Variants in TSPAN8 observed in about 807,000 individuals in gnomAD.
The protein encoded by TSPAN8 is tetraspanin-8.
Under a neutral mutation model 32.8 loss-of-function variants are expected in TSPAN8, and 21 were observed. The ratio of observed to expected loss-of-function variants is 0.64; its 90% CI spans 0.45 to 0.92. TSPAN8 has a LOEUF of 0.92. Among genes scored for constraint, TSPAN8 ranks in the 40% least tolerant of loss-of-function variants. The pLI, the probability that TSPAN8 is intolerant of heterozygous loss-of-function variation, is 0.00. For missense variants in TSPAN8, 269 were observed against 281.9 expected (o/e 0.95, Z 0.33); for synonymous variants, 95 against 94.6 (o/e 1.00, Z -0.03).
chr12:71,152,770 A>G (rs1330875732), intron 2 of TSPAN8, among the ~76,000 whole-genome samples: 1 of 152,180 alleles, frequency 6.6e-6, no homozygotes, highest in African/African-American at 2.4e-5. Context: ...GAAAGATTCC[A>G]TCAACGGACA....
chr12:71,140,582 AG>A (rs1285146347), intron 3 of TSPAN8, among the ~76,000 whole-genome samples: 1 of 152,122 alleles, frequency 6.6e-6, no homozygotes, highest in African/African-American at 2.4e-5. Context: ...TTTGACTGTT[AG>A]TTAATGAGAT....
At chr12:71,148,596 G>A (rs1267145231) in intron 2 of TSPAN8, among the ~76,000 whole-genome samples, 2 of 152,086 alleles carry the variant, frequency 1.3e-5, no homozygotes, top group Non-Finnish European at 2.9e-5. Flanking sequence ...TATTATTTGT[G>A]TTCCATTTAT....
intron 2 of TSPAN8, among the ~76,000 whole-genome samples, chr12:71,145,349 G>A (rs1200757349): frequency 2.6e-4 from 39 of 152,014 alleles, no homozygotes; most frequent in Non-Finnish European, 4.4e-5. Flanking sequence ...GGAATCCTGG[G>A]CGCTAATTAT....
chr12:71,147,294 A>G (rs982811771), intron 2 of TSPAN8, among the ~76,000 whole-genome samples: 2 of 152,200 alleles, frequency 1.3e-5, no homozygotes, highest in Admixed American at 6.5e-5. Context: ...TGTGTCTCCA[A>G]TCATCCCTAC....
In TSPAN8 at chr12:71,132,788, A is replaced by G. The variant is rs1279142477; in HGVS notation, c.481T>C (p.Trp161Arg). 6.2e-7 allele frequency: 1 copy of G among 1,613,878 alleles called. No individual in the cohort carries two copies. The highest frequency in any genetic ancestry group is 1.3e-5 in the African/African-American group (1 of 74,920). The change falls in exon 7 of 9, where the codon TGG becomes CGG. Residue 161 changes from tryptophan (W) to arginine (R), a missense_variant. By Grantham distance (101) the Trp-to-Arg change is moderately radical (BLOSUM62 -3). Transcript: ENST00000247829. ...CCGLVNGAAD[W>R]GNNFQHYPEL... is the part of the protein sequence containing the mutation. ...GGATAGTGTTGAAAATTATTTCCCC[A>G]ATCAGCAGCTCCATTGACCAAACCG... is the stretch of plus-strand genomic sequence containing the variant.
In TSPAN8 at chr12:71,129,696, A is replaced by G. The variant is rs1871458464; in HGVS notation, c.577-282T>C. On this transcript the variant is annotated intron_variant, in intron 7 of 8. Transcript: ENST00000247829. ...TAATAATTACAAATAATAATTTTTC[A>G]CCAACATATCCTCAAATGACAGATT... Among the ~76,000 whole-genome samples the G allele has an allele frequency of 3.3e-5, 5 of 152,152 alleles. No individual in the cohort carries two copies. The South Asian group carries it at 1.0e-3, about 31-fold the overall frequency.
intron 3 of TSPAN8, among the ~76,000 whole-genome samples, chr12:71,140,186 T>C (rs757360294): frequency 1.2e-4 from 19 of 152,328 alleles, no homozygotes; most frequent in Non-Finnish European, 2.8e-4. Flanking sequence ...AAGTGCATTA[T>C]AAAAGCATGT....
intron 2 of TSPAN8, among the ~76,000 whole-genome samples, chr12:71,156,250 C>CAAAAAAAAAAAAAAAAA (rs763217771): frequency 1.0e-3 from 25 of 24,342 alleles, no homozygotes; most frequent in African/African-American, 3.0e-3. Context: ...CAAAGTTCTC[C>CAAAAAAAAAAAAAAAAA]AAAAAAAAAA....
intron 7 of TSPAN8, among the ~76,000 whole-genome samples, chr12:71,131,842 C>T (rs1446352838): frequency 6.6e-6 from 1 of 151,822 alleles, no homozygotes; most frequent in Admixed American, 6.6e-5. Context: ...GGTCCCATAA[C>T]ACCTTGCACC....
chr12:71,142,956 C>T (rs1247180399), intron 3 of TSPAN8, among the ~76,000 whole-genome samples: 1 of 151,970 alleles, frequency 6.6e-6, no homozygotes, highest in Non-Finnish European at 1.5e-5. Flanking sequence ...TTCCTTTCCA[C>T]TAGGCTGTGT....
At chr12:71,149,874 T>A (rs1215269242) in intron 2 of TSPAN8, among the ~76,000 whole-genome samples, 6 of 152,076 alleles carry the variant, frequency 3.9e-5, no homozygotes, top group African/African-American at 1.5e-4. Context: ...AACCATAAGG[T>A]CTGACTGCCT....
chr12:71,155,306 A>G (rs1035149193), intron 2 of TSPAN8, among the ~76,000 whole-genome samples: 8 of 152,196 alleles, frequency 5.3e-5, no homozygotes, highest in Non-Finnish European at 1.0e-4. Context: ...AAAGAGGGAC[A>G]CAATCAAACC....
intron 2 of TSPAN8, among the ~76,000 whole-genome samples, chr12:71,149,440 T>C (rs1015225652): frequency 3.3e-5 from 5 of 151,980 alleles, no homozygotes; most frequent in Non-Finnish European, 7.4e-5. Flanking sequence ...TCTGATCTAC[T>C]AAGCCTCATG....
intron 3 of TSPAN8, among the ~76,000 whole-genome samples, chr12:71,143,030 C>T (rs1297336770): frequency 2.0e-5 from 3 of 152,124 alleles, no homozygotes; most frequent in Non-Finnish European, 4.4e-5. Context: ...GTCTTAATTG[C>T]TGGCTTAATA....
At chr12:71,140,416 A>C (rs1386709532) in intron 3 of TSPAN8, among the ~76,000 whole-genome samples, 1 of 152,240 alleles carries the variant, frequency 6.6e-6, no homozygotes, top group African/African-American at 2.4e-5. Flanking sequence ...AAGGGAAAGC[A>C]AGAGTTAACT....
intron 6 of TSPAN8, 72 bp from the exon 7 acceptor site, chr12:71,132,896 A>G: frequency 6.6e-7 from 1 of 1,521,920 alleles, no homozygotes; most frequent in South Asian, 1.2e-5. Flanking sequence ...ATTAAATTAT[A>G]ATCTTCTGAA....
At chr12:71,132,926 A>T in intron 6 of TSPAN8, 102 bp from the exon 7 acceptor site, 2 of 1,353,368 alleles carry the variant, frequency 1.5e-6, no homozygotes, top group Non-Finnish European at 2.0e-6. Context: ...AAAGGTTATT[A>T]TGCTAAAATA....
chr12:71,145,138 G>A (rs1000591764), intron 2 of TSPAN8, among the ~76,000 whole-genome samples: 1 of 152,010 alleles, frequency 6.6e-6, no homozygotes, highest in Non-Finnish European at 1.5e-5. Context: ...CATTGCTTTC[G>A]TGCATGGTTG....
At chr12:71,133,430 T>C (rs3851617) in intron 6 of TSPAN8, among the ~76,000 whole-genome samples, 59,439 of 152,066 alleles carry the variant, frequency 0.39, 12,673 homozygotes, top group East Asian at 0.57. Flanking sequence ...ATCTCTGTAA[T>C]TTAGATATTG....
Sources: allele counts gnomAD v4.1 joint callset (sites outside exome capture counted in the v4.1 genomes callset), GRCh38; gene constraint gnomAD v4.1.1; transcripts MANE v1.5; gene names NCBI Gene and HGNC (gene_info 2026-07-23, HGNC 2026-07-21).